The following CCDC102B variants were observed in gnomAD, a reference collection of about 807,000 sequenced individuals.
CCDC102B encodes the protein coiled-coil domain containing 102B, also known as coiled-coil domain-containing protein 102B.
A neutral mutation model predicts 57.4 loss-of-function variants in CCDC102B; 75 were observed. That is an observed-to-expected ratio of 1.31 (90% confidence interval 1.08 to 1.58). CCDC102B has a LOEUF of 1.58. CCDC102B is among the 40% of genes most tolerant of loss of function. CCDC102B has a pLI of 0.00. For missense variants in CCDC102B, 636 were observed against 582.6 expected, an observed-to-expected ratio of 1.09 and a Z score of -0.94; for synonymous variants, 206 against 201.9, an observed-to-expected ratio of 1.02 and a Z score of -0.17.
Position 68,921,474 on chromosome 18 carries a change from G to A in CCDC102B, c.1263+24046G>A, listed in dbSNP as rs1428410651. ...TTATATGTCAAAAAGAGTTTTGCAG[G>A]TGGAAAGAAGGCTGCTAATCAGTTA... is the stretch of plus-strand genomic sequence containing the variant. On this transcript the variant is annotated intron_variant, in intron 6 of 7. Transcript: ENST00000360242. Among the ~76,000 whole-genome samples the A allele has an allele frequency of 2.6e-5, 4 of 152,294 alleles. No individual in the cohort carries two copies. The East Asian group carries it at 7.7e-4, about 29-fold the overall frequency.
intron 6 of CCDC102B, among the ~76,000 whole-genome samples, chr18:68,982,781 A>G (rs2050625261): frequency 6.6e-6 from 1 of 151,924 alleles, no homozygotes; most frequent in South Asian, 2.1e-4. Context: ...CCCCTTCTAT[A>G]AAAATTAAAC....
At chr18:69,045,199 C>A (rs1461635207) in intron 7 of CCDC102B, among the ~76,000 whole-genome samples, 1 of 152,016 alleles carries the variant, frequency 6.6e-6, no homozygotes, top group Non-Finnish European at 1.5e-5. Flanking sequence ...GGAGGGAACA[C>A]AATTCAGTTC....
At chr18:68,988,896 T>C (rs2050793543) in intron 6 of CCDC102B, among the ~76,000 whole-genome samples, 1 of 152,200 alleles carries the variant, frequency 6.6e-6, no homozygotes, top group Non-Finnish European at 1.5e-5. Flanking sequence ...AATGTAGGTG[T>C]GTATTGCGTG....
At chr18:68,977,313 C>T (rs572717462) in intron 6 of CCDC102B, among the ~76,000 whole-genome samples, 3 of 151,876 alleles carry the variant, frequency 2.0e-5, no homozygotes, top group Non-Finnish European at 4.4e-5. Context: ...AACTGCAGAA[C>T]GTGCAGGTTT....
chr18:68,748,204 T>TC (rs2033697725), intron 2 of CCDC102B, among the ~76,000 whole-genome samples: 1 of 85,166 alleles, frequency 1.2e-5, no homozygotes, highest in African/African-American at 4.0e-5. Context: ...ATTATTAAAC[T>TC]GGTGTGTGTG....
chr18:69,056,636 A>AATAGATAGATGGATGG (rs199709516), downstream of CCDC102B, among the ~76,000 whole-genome samples: 1 of 121,916 alleles, frequency 8.2e-6, no homozygotes, highest in African/African-American at 2.9e-5. Flanking sequence ...ATAGATAGAT[A>AATAGATAGATGGATGG]ATAGATAGAT....
intron 2 of CCDC102B, 119 bp downstream of exon 2, chr18:68,837,488 A>C: frequency 1.1e-6 from 1 of 905,602 alleles, no homozygotes; most frequent in Non-Finnish European, 1.7e-6. Context: ...TACCATAACA[A>C]AGTACCATAA....
At chr18:68,717,370 A>C (rs1229698632) in intron 2 of CCDC102B, among the ~76,000 whole-genome samples, 2 of 152,246 alleles carry the variant, frequency 1.3e-5, no homozygotes, top group African/African-American at 4.8e-5. Context: ...AAATGTCTCA[A>C]TATTTTTTAC....
intron 2 of CCDC102B, among the ~76,000 whole-genome samples, chr18:68,737,760 T>C (rs979239002): frequency 6.6e-6 from 1 of 152,156 alleles, no homozygotes; most frequent in African/African-American, 2.4e-5. Flanking sequence ...CTCCTGCTAA[T>C]AGAGCAACTT....
intron 2 of CCDC102B, among the ~76,000 whole-genome samples, chr18:68,749,400 A>G (rs947746989): frequency 2.6e-5 from 4 of 152,112 alleles, no homozygotes; most frequent in African/African-American, 9.7e-5. Context: ...GATTCTTCCT[A>G]TCCATGAGCA....
chr18:68,723,091 C>G (rs1186788256), intron 2 of CCDC102B, among the ~76,000 whole-genome samples: 1 of 152,008 alleles, frequency 6.6e-6, no homozygotes, highest in Non-Finnish European at 1.5e-5. Flanking sequence ...TGGAAGGCAC[C>G]TCTTCACAGG....
intron 6 of CCDC102B, among the ~76,000 whole-genome samples, chr18:68,956,504 A>AC (rs1491281612): frequency 1.9e-5 from 1 of 51,554 alleles, no homozygotes; most frequent in Admixed American, 3.4e-4. Context: ...TAAAATATAT[A>AC]ATATATATAT....
At chr18:68,831,582 G>A (rs894066417) in intron 1 of CCDC102B, among the ~76,000 whole-genome samples, 1 of 152,024 alleles carries the variant, frequency 6.6e-6, no homozygotes, top group Non-Finnish European at 1.5e-5. Flanking sequence ...TTATTAAGTT[G>A]CCTGCTTTGG....
intron 2 of CCDC102B, among the ~76,000 whole-genome samples, chr18:68,730,719 A>G (rs1568220989): frequency 1.3e-5 from 2 of 152,226 alleles, no homozygotes; most frequent in East Asian, 3.8e-4. Flanking sequence ...TAGATTGGTT[A>G]TGGATGTCTC....
At chr18:68,957,135 T>C (rs754169374) in intron 6 of CCDC102B, among the ~76,000 whole-genome samples, 5 of 152,126 alleles carry the variant, frequency 3.3e-5, no homozygotes, top group East Asian at 1.9e-4. Flanking sequence ...TTTAACTTGA[T>C]GTGATCTCAT....
chr18:68,844,515 A>G (rs2037772269), intron 3 of CCDC102B, among the ~76,000 whole-genome samples: 1 of 151,876 alleles, frequency 6.6e-6, no homozygotes, highest in Non-Finnish European at 1.5e-5. Flanking sequence ...CTTATCTTAA[A>G]CATTCCAATG....
At chr18:69,029,676 T>G (rs763587763) in intron 7 of CCDC102B, among the ~76,000 whole-genome samples, 2 of 152,178 alleles carry the variant, frequency 1.3e-5, no homozygotes, top group Non-Finnish European at 2.9e-5. Flanking sequence ...TTAATAACCA[T>G]TTTAAGATGT....
intron 5 of CCDC102B, among the ~76,000 whole-genome samples, chr18:68,890,629 C>T (rs2040041884): frequency 6.6e-6 from 1 of 152,172 alleles, no homozygotes; most frequent in South Asian, 2.1e-4. Flanking sequence ...GTTCTTATGT[C>T]CCTTCCTGGT....
intron 3 of CCDC102B, among the ~76,000 whole-genome samples, chr18:68,841,036 G>T (rs1000177019): frequency 6.6e-6 from 1 of 152,124 alleles, no homozygotes; most frequent in African/African-American, 2.4e-5. Flanking sequence ...GATGAGTCAT[G>T]GTTCCTGTGT....
Sources: allele counts gnomAD v4.1 joint callset (sites outside exome capture counted in the v4.1 genomes callset), GRCh38; gene constraint gnomAD v4.1.1; transcripts MANE v1.5; gene names NCBI Gene and HGNC (gene_info 2026-07-23, HGNC 2026-07-21).